The following CDH12 variants were observed in gnomAD, a reference collection of about 807,000 sequenced individuals.
CDH12 encodes cadherin 12, also known as cadherin-12.
A neutral mutation model predicts 74.1 loss-of-function variants in CDH12; 41 were observed. The ratio of observed to expected loss-of-function variants is 0.55; its 90% CI spans 0.43 to 0.72. The LOEUF (loss-of-function observed/expected upper bound fraction) is 0.72, where lower values mean the gene tolerates loss of function less well. CDH12 is among the 30% of genes least tolerant of loss of function. The pLI is 0.00. For synonymous variants in CDH12, 399 were observed against 355.0 expected, an observed-to-expected ratio of 1.12 and a Z score of -1.39; for missense variants, 945 against 977.2, an observed-to-expected ratio of 0.97 and a Z score of 0.44.
intron 1 of CDH12, among the ~76,000 whole-genome samples, chr5:22,709,096 A>G (rs1312976629): frequency 6.6e-6 from 1 of 152,206 alleles, no homozygotes; most frequent in African/African-American, 2.4e-5. Flanking sequence ...CGACACCAAA[A>G]AAATCAAGAC....
At position 22,046,430 on chromosome 5, in the gene CDH12, C is replaced by CTTTTTTTTTTTTT. The variant is rs11323330; in HGVS notation, c.231+32003_231+32015dup. On this transcript the variant is annotated intron_variant, in intron 5 of 14. Transcript: ENST00000382254. ...GAGAAAGTCACTGGTCATTTAATTT[C>CTTTTTTTTTTTTT]TTTTTTTTTTTTTTTTTTTTTTGAG... 2.6e-4 allele frequency among the ~76,000 whole-genome samples: 26 copies of CTTTTTTTTTTTTT among 100,364 alleles called. 2 individuals are homozygous for CTTTTTTTTTTTTT. Among genetic ancestry groups the CTTTTTTTTTTTTT allele is most frequent in the African/African-American group, 1.1e-3 (25 of 23,402 alleles). The allele number at this position is 100,364 out of a possible 152,430, so 65.8% of individuals were successfully genotyped here.
intron 3 of CDH12, among the ~76,000 whole-genome samples, chr5:22,395,194 T>C (rs1157166327): frequency 6.6e-6 from 1 of 152,102 alleles, no homozygotes; most frequent in Admixed American, 6.6e-5. Context: ...GAGGAATCTT[T>C]GAGTCAGACA....
chr5:22,384,528 A>AAAAAAAAG, intron 3 of CDH12, among the ~76,000 whole-genome samples: 1 of 147,140 alleles, frequency 6.8e-6, no homozygotes, highest in Admixed American at 6.9e-5. Context: ...TCCGTCTCAA[A>AAAAAAAAG]AAAAAAAAAA....
chr5:22,109,103 A>G (rs1209955371), intron 4 of CDH12, among the ~76,000 whole-genome samples: 1 of 152,152 alleles, frequency 6.6e-6, no homozygotes, highest in African/African-American at 2.4e-5. Flanking sequence ...GATCATCATA[A>G]TTCATTTTAC....
chr5:22,361,361 C>G (rs1740792978), intron 3 of CDH12, among the ~76,000 whole-genome samples: 1 of 152,100 alleles, frequency 6.6e-6, no homozygotes, highest in Non-Finnish European at 1.5e-5. Context: ...ACCTAGGAAT[C>G]CCACTTACAA....
intron 3 of CDH12, among the ~76,000 whole-genome samples, chr5:22,293,170 T>G (rs1178430379): frequency 1.3e-5 from 2 of 152,120 alleles, no homozygotes; most frequent in Non-Finnish European, 2.9e-5. Flanking sequence ...CCCTGCTCCA[T>G]TTGAAGTAGG....
At chr5:22,589,798 T>C (rs1740589334) in intron 1 of CDH12, among the ~76,000 whole-genome samples, 1 of 152,198 alleles carries the variant, frequency 6.6e-6, no homozygotes, top group Admixed American at 6.5e-5. Flanking sequence ...CACATTTCTC[T>C]TCTGTACATA....
intron 11 of CDH12, among the ~76,000 whole-genome samples, chr5:21,770,632 A>G (rs1386007307): frequency 6.6e-6 from 1 of 152,076 alleles, no homozygotes; most frequent in Non-Finnish European, 1.5e-5. Context: ...AAAAAAAAAA[A>G]AAGTTAAAAT....
chr5:22,424,524 G>A (rs186752062), intron 2 of CDH12, among the ~76,000 whole-genome samples: 2 of 152,242 alleles, frequency 1.3e-5, no homozygotes, highest in Admixed American at 6.5e-5. Flanking sequence ...ATGCAACTGA[G>A]CCCACCGAAC....
At chr5:22,832,136 C>G (rs1332124676) in intron 1 of CDH12, among the ~76,000 whole-genome samples, 1 of 152,118 alleles carries the variant, frequency 6.6e-6, no homozygotes, top group Admixed American at 6.6e-5. Context: ...TCAGAAACAA[C>G]TGGCTTCTAA....
chr5:22,268,410 G>A lies in CDH12; in HGVS notation c.-332-55767C>T, dbSNP rs555884028. Among the ~76,000 whole-genome samples, 13 of 151,936 alleles carry A rather than the reference G, an allele frequency of 8.6e-5. No individual in the cohort carries two copies. The East Asian group carries it at 1.9e-3, about 23-fold the overall frequency. On this transcript the variant is annotated intron_variant, in intron 3 of 14. Coordinates refer to ENST00000382254, the MANE Select transcript of CDH12 (RefSeq NM_004061.5). The stretch of plus-strand genomic sequence containing the variant: ...TACTTGAAATAGCAGTTTTAACTCT[G>A]GTTAATAAACCAAAAGAAAAAGAGA...
At chr5:21,878,867 AAGAG>A (rs375246161) in intron 6 of CDH12, among the ~76,000 whole-genome samples, 4 of 150,904 alleles carry the variant, frequency 2.7e-5, no homozygotes, top group African/African-American at 7.3e-5. Flanking sequence ...GAAAGAAAGA[AAGAG>A]AGAGAAAGAA....
At chr5:22,456,271 T>C (rs1280265347) in intron 2 of CDH12, among the ~76,000 whole-genome samples, 1 of 151,188 alleles carries the variant, frequency 6.6e-6, no homozygotes, top group Non-Finnish European at 1.5e-5. Context: ...TGTGTGTGTG[T>C]GTAATCAACT....
chr5:21,755,515 GAGAT>G, intron 14 of CDH12, 72 bp downstream of exon 14: 1 of 1,281,364 alleles, frequency 7.8e-7, no homozygotes, highest in East Asian at 2.4e-5. Flanking sequence ...ATTGAGGAGA[GAGAT>G]GGAGGAGAGA....
intron 5 of CDH12, among the ~76,000 whole-genome samples, chr5:22,070,106 T>G (rs1403217244): frequency 6.6e-6 from 1 of 152,192 alleles, no homozygotes; most frequent in Non-Finnish European, 1.5e-5. Context: ...ATATCTTTTT[T>G]CTTCCCTCTC....
intron 3 of CDH12, among the ~76,000 whole-genome samples, chr5:22,377,892 A>G (rs1741601595): frequency 6.6e-6 from 1 of 152,188 alleles, no homozygotes; most frequent in Non-Finnish European, 1.5e-5. Flanking sequence ...GGAAATTCAT[A>G]CTATGCTACA....
chr5:22,095,230 T>C (rs1743682919), intron 4 of CDH12, among the ~76,000 whole-genome samples: 1 of 152,060 alleles, frequency 6.6e-6, no homozygotes, highest in African/African-American at 2.4e-5. Flanking sequence ...TCTTCTCACT[T>C]CTCCAACGTC....
At chr5:22,151,829 GA>G (rs1747602753) in intron 4 of CDH12, 1 of 152,056 alleles carries the variant, frequency 6.6e-6, no homozygotes, top group Admixed American at 6.6e-5. Flanking sequence ...CACATAAAAA[GA>G]CTAAAATAAA....
chr5:22,360,777 T>C (rs1740768592), intron 3 of CDH12, among the ~76,000 whole-genome samples: 2 of 152,162 alleles, frequency 1.3e-5, no homozygotes, highest in Non-Finnish European at 2.9e-5. Context: ...TGGTTCAACA[T>C]ATGCAAATCA....
Sources: allele counts gnomAD v4.1 joint callset (sites outside exome capture counted in the v4.1 genomes callset), GRCh38; gene constraint gnomAD v4.1.1; transcripts MANE v1.5; gene names NCBI Gene and HGNC (gene_info 2026-07-23, HGNC 2026-07-21).